Variants in CALCR observed in about 807,000 individuals in gnomAD.
The protein encoded by CALCR is calcitonin receptor.
A neutral mutation model predicts 59.5 loss-of-function variants in CALCR; 47 were observed. The ratio of observed to expected loss-of-function variants is 0.79; its 90% CI spans 0.63 to 1.01. The LOEUF (loss-of-function observed/expected upper bound fraction) is 1.01. Among genes scored for constraint, CALCR ranks in the 50% least tolerant of loss-of-function variants. The probability of loss-of-function intolerance (pLI) is 0.00; values close to 1 mark genes in which losing one functional copy is unlikely to be tolerated. For missense variants in CALCR, 566 were observed against 597.1 expected, an observed-to-expected ratio of 0.95 and a Z score of 0.54; for synonymous variants, 213 against 211.3, an observed-to-expected ratio of 1.01 and a Z score of -0.07.
chr7:93,429,984 TGCAGTGGC>T (rs1445661768), intron 13 of CALCR, among the ~76,000 whole-genome samples: 1 of 137,530 alleles, frequency 7.3e-6, no homozygotes, highest in Non-Finnish European at 1.5e-5. Flanking sequence ...CAGGCTGGAG[TGCAGTGGC>T]GCAATCTCGG....
chr7:93,507,895 C>A (rs1801460639), intron 2 of CALCR, among the ~76,000 whole-genome samples: 1 of 151,466 alleles, frequency 6.6e-6, no homozygotes, highest in African/African-American at 2.4e-5. Flanking sequence ...TACACTCCAT[C>A]CTGGGTGACA....
At chr7:93,470,824 TG>T (rs1800535420) in intron 6 of CALCR, among the ~76,000 whole-genome samples, 1 of 151,804 alleles carries the variant, frequency 6.6e-6, no homozygotes, top group East Asian at 1.9e-4. Context: ...GTGCACAATG[TG>T]CAGGTTAGTT....
At position 93,445,325 on chromosome 7, in the gene CALCR, G is replaced by A. The variant is rs1311323209; in HGVS notation, c.649-1568C>T. On this transcript the variant is annotated intron_variant, in intron 8 of 13. Transcript: ENST00000426151. ...GTATATAAATAAAATGTGAAATTCA[G>A]TTGTTACTCTGGATTCATTTGGAAG... 3.3e-5 allele frequency among the ~76,000 whole-genome samples: 5 copies of A among 152,000 alleles called. No individual in the cohort carries two copies. In the East Asian group the frequency reaches 7.7e-4, roughly 23 times the overall value.
intron 2 of CALCR, among the ~76,000 whole-genome samples, chr7:93,559,147 A>G (rs577325929): frequency 5.3e-5 from 8 of 152,270 alleles, no homozygotes; most frequent in African/African-American, 1.9e-4. Flanking sequence ...TTGAGAAAAT[A>G]TGGTAAGACT....
At chr7:93,515,635 A>G (rs1801634566) in intron 2 of CALCR, among the ~76,000 whole-genome samples, 1 of 151,974 alleles carries the variant, frequency 6.6e-6, no homozygotes, top group South Asian at 2.1e-4. Flanking sequence ...ATTTTTCACA[A>G]TTGAGTGTCT....
chr7:93,467,333 C>T (rs1989873), intron 7 of CALCR, among the ~76,000 whole-genome samples: 9,407 of 151,570 alleles, frequency 0.062, 935 homozygotes, highest in African/African-American at 0.21. Context: ...TGTCTGTTTG[C>T]TTATGTTATC....
intron 2 of CALCR, among the ~76,000 whole-genome samples, chr7:93,546,015 C>T (rs570606254): frequency 2.6e-4 from 40 of 152,160 alleles, no homozygotes; most frequent in African/African-American, 9.6e-4. Context: ...AATACTGTTG[C>T]AAATTAACAA....
intron 8 of CALCR, among the ~76,000 whole-genome samples, chr7:93,459,257 C>G (rs1375060418): frequency 6.6e-6 from 1 of 152,118 alleles, no homozygotes; most frequent in South Asian, 2.1e-4. Flanking sequence ...CACTGATTTA[C>G]AGAGACACAT....
rs368464231 is a variant in CALCR, at chr7:93,443,634, G to T, written c.772C>A (p.Arg258Ser). Reference protein sequence around the residue: ...IVVAVFTEKQRLRWYYLLGWG... With the variant: ...IVVAVFTEKQSLRWYYLLGWG... ...CCCAAGAGATAATACCACCGCAAGC[G>T]TTGCTTCTCAGTAAACACAGCCACG... The change falls in exon 9 of 14, where the codon CGC (arginine) becomes AGC (serine). Residue 258 changes from arginine (R) to serine (S), a missense_variant. By Grantham distance (110) the Arg-to-Ser change is moderately radical. Coordinates refer to ENST00000426151, the MANE Select transcript of CALCR (RefSeq NM_001742.4). 7 of 1,613,206 alleles carry T rather than the reference G, an allele frequency of 4.3e-6. No homozygotes were observed. The highest frequency in any genetic ancestry group is 5.9e-6 in the Non-Finnish European group (7 of 1,179,496).
chr7:93,555,505 A>G (rs1789576067), intron 2 of CALCR, among the ~76,000 whole-genome samples: 1 of 152,152 alleles, frequency 6.6e-6, no homozygotes, highest in African/African-American at 2.4e-5. Context: ...AACTGCAAAA[A>G]GTCATTTATG....
At chr7:93,460,593 G>GTGTATATATATATATATATGTATATATA (rs1296016997) in intron 8 of CALCR, among the ~76,000 whole-genome samples, 1 of 89,380 alleles carries the variant, frequency 1.1e-5, no homozygotes, top group African/African-American at 5.3e-5. Context: ...ATATATATAT[G>GTGTATATATATATATATATGTATATATA]TATATATATA....
intron 2 of CALCR, among the ~76,000 whole-genome samples, chr7:93,497,849 T>A (rs1389964694): frequency 6.6e-6 from 1 of 151,568 alleles, no homozygotes; most frequent in Non-Finnish European, 1.5e-5. Flanking sequence ...ATGTTTTTAT[T>A]ATCACTGCCT....
chr7:93,530,636 T>G (rs973324182), intron 2 of CALCR, among the ~76,000 whole-genome samples: 1 of 152,154 alleles, frequency 6.6e-6, no homozygotes, highest in African/African-American at 2.4e-5. Flanking sequence ...GGTGGTTAAC[T>G]CCTTTGACTG....
chr7:93,494,278 G>A (rs1318208317), intron 2 of CALCR, among the ~76,000 whole-genome samples: 1 of 151,374 alleles, frequency 6.6e-6, no homozygotes, highest in Non-Finnish European at 1.5e-5. Flanking sequence ...TGACTCAACA[G>A]TGTTATTAAA....
chr7:93,444,252 T>C (rs1428088472), intron 8 of CALCR, among the ~76,000 whole-genome samples: 2 of 152,106 alleles, frequency 1.3e-5, no homozygotes, highest in Admixed American at 1.3e-4. Flanking sequence ...ACGCTGAGCC[T>C]AGCTGCTGTT....
intron 2 of CALCR, among the ~76,000 whole-genome samples, chr7:93,492,099 A>AGGGAC: frequency 2.7e-5 from 4 of 150,164 alleles, no homozygotes; most frequent in Non-Finnish European, 4.5e-5. Context: ...ATATCCCTGC[A>AGGGAC]AAGGATGAAG....
At position 93,472,372 on chromosome 7, in the gene CALCR, TA is replaced by T; in HGVS notation, c.429+2del. 6.5e-7 allele frequency: 1 copy of T among 1,538,560 alleles called. No homozygotes were observed. On this transcript the variant is annotated splice_donor_variant, in intron 6 of 13. Coordinates refer to ENST00000426151, the MANE Select transcript of CALCR (RefSeq NM_001742.4). LOFTEE classifies it high-confidence loss of function. ...CAATACTGAAACGTGAAAAAGAACC[TA>T]CCTTCAGTTTCTCAGGAGTGAAAGC...
intron 2 of CALCR, among the ~76,000 whole-genome samples, chr7:93,536,451 T>G (rs1788988455): frequency 6.6e-6 from 1 of 151,840 alleles, no homozygotes; most frequent in Non-Finnish European, 1.5e-5. Flanking sequence ...TATTTTGATT[T>G]TATATAAAGA....
intron 2 of CALCR, among the ~76,000 whole-genome samples, chr7:93,563,986 A>G (rs1220095311): frequency 6.6e-6 from 1 of 152,204 alleles, no homozygotes; most frequent in African/African-American, 2.4e-5. Flanking sequence ...GGCTCATAGT[A>G]AGTACTATGT....
Sources: gnomAD v4.1 joint callset for allele counts (sites outside exome capture counted in the v4.1 genomes callset) on GRCh38, gnomAD v4.1.1 for gene constraint, MANE v1.5 for transcripts, NCBI Gene and HGNC (gene_info 2026-07-23, HGNC 2026-07-21) for gene names.